Variants in WWTR1 observed in about 807,000 individuals in gnomAD.
WWTR1 encodes WW domain containing transcription regulator 1.
In WWTR1, 13 loss-of-function variants were observed where a neutral mutation model predicts 40.1. The ratio of observed to expected loss-of-function variants is 0.32; its 90% CI spans 0.21 to 0.52. WWTR1 has a LOEUF of 0.52. WWTR1 is among the 20% of genes least tolerant of loss of function. The probability of loss-of-function intolerance (pLI) is 0.97; values close to 1 mark genes in which losing one functional copy is unlikely to be tolerated. For missense variants in WWTR1, 436 were observed against 523.1 expected, an observed-to-expected ratio of 0.83 and a Z score of 1.63; for synonymous variants, 230 against 210.1, an observed-to-expected ratio of 1.09 and a Z score of -0.82.
intron 2 of WWTR1, among the ~76,000 whole-genome samples, chr3:149,582,185 C>T (rs1033870196): frequency 3.3e-5 from 5 of 152,020 alleles, no homozygotes; most frequent in Non-Finnish European, 5.9e-5. Context: ...TGCACGCACC[C>T]CAACAGCACC....
upstream of WWTR1, among the ~76,000 whole-genome samples, chr3:149,661,566 C>T (rs71304483): frequency 0.18 from 26,929 of 151,644 alleles, 2,644 homozygotes; most frequent in East Asian, 0.3. Context: ...GGACTACAGA[C>T]GTGCACCACC....
At position 149,552,475 on chromosome 3, in the gene WWTR1, G is replaced by A. The variant is rs562133828; in HGVS notation, c.569-9938C>T. Among the ~76,000 whole-genome samples the A allele has an allele frequency of 1.1e-3, 172 of 150,012 alleles. 1 individual carries two copies. The Middle Eastern group carries it at 0.021, about 18-fold the overall frequency. ...CAAGATGAGAACTGAGAAAAAAACT[G>A]GCAACGCCTCACCCATAACTCATCT... On this transcript the variant is annotated intron_variant, in intron 3 of 6. Transcript: ENST00000360632.
At chr3:149,612,245 C>T (rs1372867173) in intron 2 of WWTR1, among the ~76,000 whole-genome samples, 1 of 152,168 alleles carries the variant, frequency 6.6e-6, no homozygotes, top group Non-Finnish European at 1.5e-5. Flanking sequence ...TCAAAATCCA[C>T]ATCAAAGACC....
intron 2 of WWTR1, among the ~76,000 whole-genome samples, chr3:149,636,966 GAAAAA>G (rs397950107): frequency 1.2e-4 from 5 of 43,308 alleles, no homozygotes; most frequent in Non-Finnish European, 2.0e-4. Flanking sequence ...TGTCTCAAGT[GAAAAA>G]AAAAAAAAAA....
At chr3:149,522,728 C>T (rs1261061542) in intron 6 of WWTR1, among the ~76,000 whole-genome samples, 1 of 151,898 alleles carries the variant, frequency 6.6e-6, no homozygotes, top group African/African-American at 2.4e-5. Context: ...TTTAGCCAAG[C>T]AAAATCTCTG....
rs1175073954 is a variant in WWTR1 at position 149,552,311 on chromosome 3, A to T, written c.569-9774T>A. Among the ~76,000 whole-genome samples the T allele has an allele frequency of 4.0e-5, 6 of 151,532 alleles. 1 individual carries two copies. The highest frequency in any genetic ancestry group is 4.9e-5 in the African/African-American group (2 of 41,124). ...ATAATTTTAGTGCATTTCAAATCTGATTAAGGCACAGAGTAGGCACTAAAT... is the reference window on the plus strand; with the variant it reads ...ATAATTTTAGTGCATTTCAAATCTGTTTAAGGCACAGAGTAGGCACTAAAT... On this transcript the variant is annotated intron_variant, in intron 3 of 6. Transcript: ENST00000360632.
At chr3:149,642,280 C>T (rs1003484990) in intron 2 of WWTR1, among the ~76,000 whole-genome samples, 8 of 151,842 alleles carry the variant, frequency 5.3e-5, no homozygotes, top group East Asian at 1.9e-4. Flanking sequence ...ATTAGCCAGG[C>T]GTGGTGGCCC....
At chr3:149,565,103 C>T (rs1226135012) in intron 3 of WWTR1, among the ~76,000 whole-genome samples, 3 of 152,006 alleles carry the variant, frequency 2.0e-5, no homozygotes, top group African/African-American at 7.3e-5. Context: ...GGGAGGATGG[C>T]TTGAACCTGG....
intron 3 of WWTR1, among the ~76,000 whole-genome samples, chr3:149,557,999 T>C (rs1309691490): frequency 5.6e-5 from 7 of 124,914 alleles, no homozygotes; most frequent in Non-Finnish European, 9.4e-5. Flanking sequence ...CAAGGCTCCA[T>C]CTCAAAAAAA....
chr3:149,715,260 C>CTA (rs1715577452), intron 5 of WWTR1, among the ~76,000 whole-genome samples: 1 of 152,216 alleles, frequency 6.6e-6, no homozygotes, highest in Non-Finnish European at 1.5e-5. Flanking sequence ...GAGCCCAGAC[C>CTA]TGGGAGCTCC....
upstream of WWTR1, among the ~76,000 whole-genome samples, chr3:149,706,283 T>C (rs746887432): frequency 6.6e-6 from 1 of 152,210 alleles, no homozygotes; most frequent in Non-Finnish European, 1.5e-5. Context: ...TGTTCACATT[T>C]AAATATTTGT....
At chr3:149,638,719 C>A (rs1711980652) in intron 2 of WWTR1, among the ~76,000 whole-genome samples, 1 of 152,086 alleles carries the variant, frequency 6.6e-6, no homozygotes, top group Non-Finnish European at 1.5e-5. Context: ...TGCTTCCATA[C>A]AATTTATATC....
At chr3:149,651,103 T>G (rs1560103689) in intron 2 of WWTR1, among the ~76,000 whole-genome samples, 1 of 152,194 alleles carries the variant, frequency 6.6e-6, no homozygotes, top group Non-Finnish European at 1.5e-5. Flanking sequence ...CTCTTCACAT[T>G]ACAGACAACT....
intron 3 of WWTR1, among the ~76,000 whole-genome samples, chr3:149,567,107 T>G (rs1462951382): frequency 6.6e-6 from 1 of 151,638 alleles, no homozygotes; most frequent in Non-Finnish European, 1.5e-5. Context: ...CAGGTCAGGG[T>G]CTCATTCCAA....
intron 3 of WWTR1, among the ~76,000 whole-genome samples, chr3:149,568,550 A>ACC (rs1430212120): frequency 0.24 from 26,315 of 110,778 alleles, 4,138 homozygotes; most frequent in East Asian, 0.67. Context: ...AAAAAAAAAA[A>ACC]AAAAAAAAAA....
chr3:149,619,539 C>G (rs1307610348), intron 2 of WWTR1, among the ~76,000 whole-genome samples: 1 of 152,148 alleles, frequency 6.6e-6, no homozygotes, highest in Non-Finnish European at 1.5e-5. Context: ...GGGAGTATCA[C>G]TTGAGCCTAG....
chr3:149,634,949 C>G (rs964643657), intron 2 of WWTR1, among the ~76,000 whole-genome samples: 1 of 152,160 alleles, frequency 6.6e-6, no homozygotes, highest in Admixed American at 6.5e-5. Flanking sequence ...ACAATGCTAG[C>G]CAAAAAGCTC....
At chr3:149,700,163 A>G (rs992561753) in intron 1 of WWTR1, among the ~76,000 whole-genome samples, 1 of 152,118 alleles carries the variant, frequency 6.6e-6, no homozygotes, top group African/African-American at 2.4e-5. Flanking sequence ...TTATCTATTT[A>G]CTTTTTAAAA....
intron 1 of WWTR1, among the ~76,000 whole-genome samples, chr3:149,676,449 GTGT>G (rs1348021587): frequency 1.1e-5 from 1 of 95,182 alleles, no homozygotes; most frequent in African/African-American, 3.5e-5. Flanking sequence ...TAGATTCTTT[GTGT>G]TTTTTTTGCG....
Sources: allele counts gnomAD v4.1 joint callset (sites outside exome capture counted in the v4.1 genomes callset), GRCh38; gene constraint gnomAD v4.1.1; transcripts MANE v1.5; gene names NCBI Gene and HGNC (gene_info 2026-07-23, HGNC 2026-07-21).